Variants in ZBTB20 observed in about 807,000 individuals in gnomAD.
The protein encoded by ZBTB20 is zinc finger and BTB domain-containing protein 20.
A neutral mutation model predicts 56.9 loss-of-function variants in ZBTB20; 9 were observed. The ratio of observed to expected loss-of-function variants is 0.16; its 90% confidence interval spans 0.10 to 0.28. The LOEUF (loss-of-function observed/expected upper bound fraction) is 0.28, where lower values mean the gene tolerates loss of function less well. Ranked by LOEUF, ZBTB20 falls within the 10% of genes least tolerant of loss-of-function variation. The pLI is 1.00. For missense variants in ZBTB20, 655 were observed against 1,003.0 expected, an observed-to-expected ratio of 0.65 and a Z score of 4.69; for synonymous variants, 417 against 420.7, an observed-to-expected ratio of 0.99 and a Z score of 0.11.
At chr3:114,988,135 T>C (rs2078630467) in intron 2 of ZBTB20, among the ~76,000 whole-genome samples, 2 of 150,618 alleles carry the variant, frequency 1.3e-5, no homozygotes, top group Admixed American at 1.3e-4. Context: ...CTAGGGTACA[T>C]GTGCACAATG....
Position 114,380,815 on chromosome 3 carries a change from G to C in ZBTB20, c.-28C>G. On this transcript the variant is annotated 5_prime_UTR_variant, in exon 9 of 12. Transcript: ENST00000675478. Reference sequence around the variant, plus strand: ...GTCAGGAAGCTTAGAGACAGGACTCGTGGAGTAATGGGAGGAGCACTGGAC... The same window carrying C: ...GTCAGGAAGCTTAGAGACAGGACTCCTGGAGTAATGGGAGGAGCACTGGAC... 2 of 1,501,744 alleles carry C rather than the reference G, an allele frequency of 1.3e-6. No homozygotes were observed. The highest frequency in any genetic ancestry group is 1.8e-6 in the Non-Finnish European group (2 of 1,133,840). The allele number at this position is 1,501,744 out of a possible 1,614,324, so 93.0% of individuals were successfully genotyped here.
intron 2 of ZBTB20, among the ~76,000 whole-genome samples, chr3:115,019,751 G>A (rs924376370): frequency 1.1e-4 from 16 of 151,202 alleles, no homozygotes; most frequent in African/African-American, 3.1e-4. Context: ...ATAAAGAGAA[G>A]TCTCTTCCTA....
Position 114,351,523 on chromosome 3 carries a change from G to C in ZBTB20, c.555C>G (p.Val185=), listed in dbSNP as rs2080674336. The C allele has an allele frequency of 6.2e-7, 1 of 1,613,936 alleles. No homozygotes were observed. The highest frequency in any genetic ancestry group is 8.5e-7 in the Non-Finnish European group (1 of 1,180,042). Residue 185 remains valine (V), a synonymous_variant, in exon 11 of 12, where the codon GTC becomes GTG. Coordinates refer to ENST00000675478, the MANE Select transcript of ZBTB20 (RefSeq NM_001348800.3). ...ACACGATGCGCGTGCACTCGTCGAT[G>C]ACTGTTTTGATCTGCAGGATGCTGG... ...TAASILQIKT[V]IDECTRIVSQ...
intron 7 of ZBTB20, among the ~76,000 whole-genome samples, chr3:114,419,643 GA>G (rs2088941726): frequency 6.6e-6 from 1 of 151,992 alleles, no homozygotes; most frequent in African/African-American, 2.4e-5. Context: ...TATTTTACAG[GA>G]TTTAGACTTT....
chr3:114,481,324 C>T (rs1304380950), intron 7 of ZBTB20, among the ~76,000 whole-genome samples: 1 of 150,536 alleles, frequency 6.6e-6, no homozygotes, highest in Non-Finnish European at 1.5e-5. Context: ...AGAGTTGAAA[C>T]TCAGGTCACA....
chr3:114,461,840 T>C (rs2092344727), intron 7 of ZBTB20, among the ~76,000 whole-genome samples: 1 of 152,222 alleles, frequency 6.6e-6, no homozygotes, highest in Admixed American at 6.5e-5. Context: ...TAGGTAATTC[T>C]AAAGCCTAGC....
intron 5 of ZBTB20, among the ~76,000 whole-genome samples, chr3:114,758,111 T>C (rs2068142583): frequency 6.6e-6 from 1 of 152,160 alleles, no homozygotes; most frequent in Non-Finnish European, 1.5e-5. Flanking sequence ...TTCCAGGTTA[T>C]CACAGAATAT....
intron 2 of ZBTB20, among the ~76,000 whole-genome samples, chr3:114,994,377 G>A (rs561151876): frequency 1.6e-4 from 24 of 151,930 alleles, no homozygotes; most frequent in South Asian, 1.5e-3. Context: ...ATGGATAATC[G>A]TAGCCTGATA....
chr3:114,906,413 A>G (rs530279286), intron 3 of ZBTB20, among the ~76,000 whole-genome samples: 2 of 151,858 alleles, frequency 1.3e-5, no homozygotes, highest in South Asian at 4.2e-4. Flanking sequence ...AGTACCTAGA[A>G]AAAGCAATGG....
At chr3:114,812,689 T>G (rs1443722938) in intron 4 of ZBTB20, among the ~76,000 whole-genome samples, 1 of 152,178 alleles carries the variant, frequency 6.6e-6, no homozygotes, top group Non-Finnish European at 1.5e-5. Context: ...TCCGTCGCCG[T>G]GGGCCCGCAC....
At chr3:114,890,281 T>C (rs1331652329) in intron 4 of ZBTB20, among the ~76,000 whole-genome samples, 1 of 152,198 alleles carries the variant, frequency 6.6e-6, no homozygotes, top group Non-Finnish European at 1.5e-5. Context: ...TAAATAAATT[T>C]AAAAAGAACA....
intron 4 of ZBTB20, among the ~76,000 whole-genome samples, chr3:114,826,455 T>C (rs1579043773): frequency 6.6e-6 from 1 of 151,902 alleles, no homozygotes; most frequent in African/African-American, 2.4e-5. Flanking sequence ...TAACAATTAA[T>C]CAATGCCAAC....
At chr3:114,551,409 C>G (rs1252829095) in intron 6 of ZBTB20, among the ~76,000 whole-genome samples, 1 of 152,120 alleles carries the variant, frequency 6.6e-6, no homozygotes, top group Non-Finnish European at 1.5e-5. Flanking sequence ...AAGTAATAAG[C>G]TTTACAAAAG....
At chr3:114,726,347 T>A (rs1486112861) in intron 5 of ZBTB20, among the ~76,000 whole-genome samples, 1 of 152,196 alleles carries the variant, frequency 6.6e-6, no homozygotes, top group Non-Finnish European at 1.5e-5. Context: ...AACAGAGGGT[T>A]CTGGATTCCA....
intron 5 of ZBTB20, among the ~76,000 whole-genome samples, chr3:114,709,481 G>C (rs1283597288): frequency 6.6e-6 from 1 of 152,152 alleles, no homozygotes; most frequent in Non-Finnish European, 1.5e-5. Context: ...AGAATGAACT[G>C]GAGTAAAGAT....
chr3:114,635,763 A>T (rs530852907), intron 6 of ZBTB20, among the ~76,000 whole-genome samples: 1 of 152,144 alleles, frequency 6.6e-6, no homozygotes, highest in South Asian at 2.1e-4. Context: ...GAGCACAAAG[A>T]AAAAACAAGG....
chr3:115,118,703 ATTTTTTTTTTTTTT>A (rs35607205), intron 1 of ZBTB20, among the ~76,000 whole-genome samples: 27 of 82,210 alleles, frequency 3.3e-4, no homozygotes, highest in East Asian at 2.8e-3. Context: ...CCTGGTACAA[ATTTTTTTTTTTTTT>A]TTTTTTTTTT....
In ZBTB20 at chr3:114,350,533, C is replaced by T. The variant is rs201146921; in HGVS notation, c.1545G>A (p.Gln515=). Residue 515 remains glutamine, a synonymous_variant, in exon 11 of 12, where the codon CAG becomes CAA. Transcript: ENST00000675478. The stretch of plus-strand genomic sequence containing the variant: ...AAGGCTTGGGGCCACTGCCCGCGGG[C>T]TGGGTAGTGAAGAGGGCTGGCAGGT... ...NTYLPALFTT[Q]PAGSGPKPFL... 3.1e-6 allele frequency: 5 copies of T among 1,614,094 alleles called. No homozygotes were observed. The East Asian group carries it at 1.1e-4, about 36-fold the overall frequency.
chr3:114,577,585 A>G (rs569514669), intron 6 of ZBTB20, among the ~76,000 whole-genome samples: 7 of 152,324 alleles, frequency 4.6e-5, no homozygotes, highest in African/African-American at 1.4e-4. Context: ...TGAAATCTGG[A>G]TCTAGAATCA....
Sources: gnomAD v4.1 joint callset for allele counts (sites outside exome capture counted in the v4.1 genomes callset) on GRCh38, gnomAD v4.1.1 for gene constraint, MANE v1.5 for transcripts, NCBI Gene and HGNC (gene_info 2026-07-23, HGNC 2026-07-21) for gene names.